FYB1: variants seen among roughly 807,000 people sequenced by gnomAD.
FYB1 encodes the protein FYN-binding protein 1.
In FYB1, 41 loss-of-function variants were observed where a neutral mutation model predicts 94.1. That is an observed-to-expected ratio of 0.44 (90% CI 0.34 to 0.57). The LOEUF (loss-of-function observed/expected upper bound fraction) is 0.57. Among genes scored for constraint, FYB1 ranks in the 20% least tolerant of loss-of-function variants. The probability of loss-of-function intolerance (pLI) is 0.02; values close to 1 mark genes in which losing one functional copy is unlikely to be tolerated. For synonymous variants in FYB1, 367 were observed against 353.2 expected, an observed-to-expected ratio of 1.04 and a Z score of -0.44; for missense variants, 1,050 against 976.8, an observed-to-expected ratio of 1.07 and a Z score of -1.00.
chr5:39,228,206 T>G lies in FYB1; in HGVS notation c.-27-25219A>C, dbSNP rs187009097. 8.4e-4 allele frequency among the ~76,000 whole-genome samples: 128 copies of G among 152,174 alleles called. 1 individual carries two copies. The highest frequency in any genetic ancestry group is 2.9e-3 in the African/African-American group (122 of 41,536). ...TGGTAGATAGATAAGTAACCTCAAA[T>G]GAAACACAGTGAAATCATGATAGAG... On this transcript the variant is annotated intron_variant, in intron 1 of 1. Transcript: ENST00000510188.
At chr5:39,211,569 A>G (rs2150526163) in intron 1 of FYB1, among the ~76,000 whole-genome samples, 1 of 152,100 alleles carries the variant, frequency 6.6e-6, no homozygotes, top group East Asian at 1.9e-4. Flanking sequence ...TCGGCCTCCC[A>G]AAGTGCTGGG....
chr5:39,193,685 T>G (rs1747566954), intron 2 of FYB1, among the ~76,000 whole-genome samples: 2 of 152,146 alleles, frequency 1.3e-5, no homozygotes, highest in Admixed American at 1.3e-4. Flanking sequence ...GGAAAATCCT[T>G]CAGCATAAAA....
At chr5:39,254,226 G>C (rs1751845180) in intron 1 of FYB1, among the ~76,000 whole-genome samples, 1 of 152,176 alleles carries the variant, frequency 6.6e-6, no homozygotes, top group East Asian at 1.9e-4. Context: ...TGGGATTGCT[G>C]AGTTGAATGG....
intron 3 of FYB1, among the ~76,000 whole-genome samples, chr5:39,150,252 C>T (rs567452414): frequency 1.2e-4 from 18 of 152,104 alleles, no homozygotes; most frequent in Non-Finnish European, 2.1e-4. Flanking sequence ...GGCCAGTTTT[C>T]GCTTTCTGTC....
chr5:39,192,555 T>C (rs2150464601), intron 2 of FYB1, among the ~76,000 whole-genome samples: 1 of 152,326 alleles, frequency 6.6e-6, no homozygotes, highest in South Asian at 2.1e-4. Context: ...CATATATCAG[T>C]TTTATCCTCT....
intron 1 of FYB1, among the ~76,000 whole-genome samples, chr5:39,232,522 AT>A (rs1554042912): frequency 1.7e-5 from 2 of 118,676 alleles, no homozygotes; most frequent in East Asian, 3.8e-4. Flanking sequence ...ATAAACATTT[AT>A]TTTATTTATT....
chr5:39,235,888 A>G (rs549478029), intron 1 of FYB1, among the ~76,000 whole-genome samples: 8 of 152,166 alleles, frequency 5.3e-5, no homozygotes, highest in Admixed American at 4.6e-4. Context: ...GAAATATTCT[A>G]TTTTGGTGTG....
At chr5:39,212,929 A>G (rs991734395) in intron 1 of FYB1, 1 of 150,966 alleles carries the variant, frequency 6.6e-6, no homozygotes, top group Non-Finnish European at 1.5e-5. Context: ...TGCTAAATCT[A>G]GTGTGTGGCA....
intron 2 of FYB1, chr5:39,170,356 T>G: frequency 1.9e-6 from 2 of 1,076,138 alleles, no homozygotes; most frequent in Non-Finnish European, 2.6e-6. Flanking sequence ...ATAATCCTAT[T>G]GGCAAACCTG....
intron 4 of FYB1, 96 bp downstream of exon 4, chr5:39,140,999 G>C: frequency 1.2e-6 from 1 of 804,446 alleles, no homozygotes; most frequent in Non-Finnish European, 2.1e-6. Flanking sequence ...GACCAGTGAT[G>C]ATAATGACCC....
At chr5:39,173,634 G>T (rs1330126067) in intron 2 of FYB1, among the ~76,000 whole-genome samples, 1 of 152,128 alleles carries the variant, frequency 6.6e-6, no homozygotes, top group African/African-American at 2.4e-5. Context: ...TGAGAGGCAG[G>T]TGTCCAGTTT....
intron 7 of FYB1, among the ~76,000 whole-genome samples, 178 bp from the exon 8 acceptor site, chr5:39,135,192 T>A (rs1741576377): frequency 6.6e-6 from 1 of 152,012 alleles, no homozygotes; most frequent in Non-Finnish European, 1.5e-5. Context: ...TAGGGAAAAA[T>A]CACAGGGGCC....
chr5:39,125,176 C>T (rs973385727), intron 12 of FYB1, among the ~76,000 whole-genome samples: 1 of 152,000 alleles, frequency 6.6e-6, no homozygotes, highest in African/African-American at 2.4e-5. Flanking sequence ...TTCAAGTGTA[C>T]TCTTTATTGA....
At chr5:39,252,920 G>A (rs7700754) in intron 1 of FYB1, among the ~76,000 whole-genome samples, 48,944 of 152,106 alleles carry the variant, frequency 0.32, 9,552 homozygotes, top group African/African-American at 0.56. Flanking sequence ...ACTTACAACT[G>A]TGTCTGGCAT....
intron 1 of FYB1, among the ~76,000 whole-genome samples, chr5:39,212,103 T>G (rs962035541): frequency 2.0e-5 from 3 of 152,036 alleles, no homozygotes; most frequent in African/African-American, 7.2e-5. Flanking sequence ...GCCAGGTGAT[T>G]GAGGCTAGCC....
intron 1 of FYB1, chr5:39,210,946 A>G (rs1030309244): frequency 6.6e-6 from 1 of 152,220 alleles, no homozygotes; most frequent in African/African-American, 2.4e-5. Context: ...GAATGGCGAT[A>G]GGATGTAGAG....
chr5:39,153,781 A>G (rs952637923), intron 2 of FYB1, among the ~76,000 whole-genome samples, 177 bp from the exon 3 acceptor site: 2 of 152,092 alleles, frequency 1.3e-5, no homozygotes, highest in Non-Finnish European at 2.9e-5. Context: ...TGTGTGCTGT[A>G]TATCTTTTGT....
intron 12 of FYB1, among the ~76,000 whole-genome samples, chr5:39,124,581 G>GA: frequency 1.3e-5 from 2 of 152,210 alleles, no homozygotes; most frequent in East Asian, 3.9e-4. Flanking sequence ...GCTATATGAG[G>GA]TTTGGGCATA....
intron 1 of FYB1, among the ~76,000 whole-genome samples, chr5:39,255,565 C>A (rs1465610410): frequency 1.3e-5 from 2 of 151,902 alleles, no homozygotes; most frequent in African/African-American, 2.4e-5. Flanking sequence ...GGATGTTATT[C>A]ATTTAAATAT....
Sources: gnomAD v4.1 joint callset for allele counts (sites outside exome capture counted in the v4.1 genomes callset) on GRCh38, gnomAD v4.1.1 for gene constraint, MANE v1.5 for transcripts, NCBI Gene and HGNC (gene_info 2026-07-23, HGNC 2026-07-21) for gene names.